Variants in DHDDS observed in about 807,000 individuals in gnomAD.
DHDDS encodes the protein dehydrodolichyl diphosphate synthase complex subunit DHDDS.
A neutral mutation model predicts 46.2 loss-of-function variants in DHDDS; 16 were observed. The observed-to-expected ratio is 0.35, with a 90% CI of 0.23 to 0.53. The LOEUF (loss-of-function observed/expected upper bound fraction) is 0.53, where lower values mean the gene tolerates loss of function less well. Ranked by LOEUF, DHDDS falls within the 20% of genes least tolerant of loss-of-function variation. DHDDS has a pLI of 0.94. For synonymous variants in DHDDS, 151 were observed against 163.1 expected (o/e 0.93, Z 0.56); for missense variants, 340 against 423.7 (o/e 0.80, Z 1.73).
intron 2 of DHDDS, among the ~76,000 whole-genome samples, chr1:26,437,632 T>C (rs2124369059): frequency 6.6e-6 from 1 of 151,950 alleles, no homozygotes. Context: ...TGTGCCATCA[T>C]ACCCGGCTAA....
intron 8 of DHDDS, among the ~76,000 whole-genome samples, chr1:26,464,167 A>T (rs560425596): frequency 6.6e-6 from 1 of 151,594 alleles, no homozygotes; most frequent in Admixed American, 6.6e-5. Flanking sequence ...TAATTTTTGT[A>T]TTTTTAGTAG....
chr1:26,463,668 G>A (rs552625789), intron 8 of DHDDS, among the ~76,000 whole-genome samples: 1 of 151,790 alleles, frequency 6.6e-6, no homozygotes, highest in Admixed American at 6.6e-5. Flanking sequence ...CACCACATCT[G>A]GCTAATTTTA....
chr1:26,458,749 A>G (rs972911193), intron 7 of DHDDS, among the ~76,000 whole-genome samples: 5 of 151,824 alleles, frequency 3.3e-5, no homozygotes, highest in Non-Finnish European at 5.9e-5. Flanking sequence ...AAAAAAAAAA[A>G]AAAAAAAGAA....
At position 26,451,404 on chromosome 1, in the gene DHDDS, A is replaced by ATGTGTGTGTG. The variant is rs35376620; in HGVS notation, c.542+3782_542+3791dup. Among the ~76,000 whole-genome samples the ATGTGTGTGTG allele has an allele frequency of 2.4e-3, 326 of 136,024 alleles. 2 individuals carry two copies. The highest frequency in any genetic ancestry group is 0.011 in the Middle Eastern group (3 of 270). 89.2% of individuals were successfully genotyped at this position (136,024 alleles called of 152,430 possible). ...TCTTTCTTCCAGGGTATGTATGTAG[A>ATGTGTGTGTG]TGTGTGTGTGTGTGTGTGTGTGTGT... is the stretch of plus-strand genomic sequence containing the variant. On this transcript the variant is annotated intron_variant, in intron 6 of 8. Coordinates refer to ENST00000236342, the MANE Select transcript of DHDDS (RefSeq NM_205861.3).
At chr1:26,466,715 G>T (rs1474697438) in intron 8 of DHDDS, among the ~76,000 whole-genome samples, 1 of 152,212 alleles carries the variant, frequency 6.6e-6, no homozygotes, top group African/African-American at 2.4e-5. Flanking sequence ...CTGTTGCTGA[G>T]CGTCCCCCAT....
chr1:26,457,756 G>C (rs1570356949), intron 6 of DHDDS, 35 bp from the exon 7 acceptor site: 11 of 1,481,296 alleles, frequency 7.4e-6, no homozygotes, highest in Non-Finnish European at 1.0e-5. Flanking sequence ...ACTACAGGAT[G>C]TGTGCCTCTC....
chr1:26,452,594 C>A (rs964225203), intron 6 of DHDDS, among the ~76,000 whole-genome samples: 1 of 152,144 alleles, frequency 6.6e-6, no homozygotes, highest in Admixed American at 6.5e-5. Flanking sequence ...ATACATTTAT[C>A]CTTAGACCCT....
intron 6 of DHDDS, 38 bp from the exon 7 acceptor site, chr1:26,457,753 G>C (rs1447812334): frequency 6.9e-7 from 1 of 1,446,856 alleles, no homozygotes; most frequent in African/African-American, 1.4e-5. Flanking sequence ...AATACTACAG[G>C]ATGTGTGCCT....
At chr1:26,432,636 G>A (rs1440329512) in intron 1 of DHDDS, 4 of 421,058 alleles carry the variant, frequency 9.5e-6, no homozygotes, top group African/African-American at 2.0e-5. Flanking sequence ...TAGATGTTCA[G>A]AAGAAGTCAG....
intron 6 of DHDDS, chr1:26,447,920 G>T: frequency 3.3e-6 from 2 of 597,040 alleles, no homozygotes; most frequent in Non-Finnish European, 3.0e-6. Flanking sequence ...GGGAGCATGT[G>T]GAAAGATTTA....
At chr1:26,442,243 CTTT>C (rs2075225599) in intron 3 of DHDDS, among the ~76,000 whole-genome samples, 1 of 152,150 alleles carries the variant, frequency 6.6e-6, no homozygotes, top group South Asian at 2.1e-4. Flanking sequence ...CCAGTTGTTG[CTTT>C]TTTTCTTTTA....
intron 8 of DHDDS, among the ~76,000 whole-genome samples, chr1:26,464,192 C>T (rs1026763211): frequency 1.8e-4 from 27 of 152,022 alleles, no homozygotes; most frequent in African/African-American, 3.1e-4. Flanking sequence ...AGGGTTTCAC[C>T]ATGTTGGCCA....
At chr1:26,442,364 A>C (rs893500032) in intron 3 of DHDDS, among the ~76,000 whole-genome samples, 15 of 152,200 alleles carry the variant, frequency 9.9e-5, no homozygotes, top group Admixed American at 9.2e-4. Flanking sequence ...TTGTGATCCC[A>C]TATTACAGGT....
chr1:26,439,008 G>A (rs1003785192), intron 3 of DHDDS, among the ~76,000 whole-genome samples: 2 of 152,046 alleles, frequency 1.3e-5, no homozygotes, highest in Non-Finnish European at 2.9e-5. Flanking sequence ...CTCTGCTCAC[G>A]GCAACCTCCG....
At chr1:26,459,361 G>A (rs184862008) in intron 7 of DHDDS, among the ~76,000 whole-genome samples, 1 of 152,198 alleles carries the variant, frequency 6.6e-6, no homozygotes, top group Non-Finnish European at 1.5e-5. Context: ...ATATCAGGCA[G>A]TGGCTGTCAA....
intron 4 of DHDDS, among the ~76,000 whole-genome samples, chr1:26,445,422 T>C (rs2075259202): frequency 6.6e-6 from 1 of 152,108 alleles, no homozygotes; most frequent in South Asian, 2.1e-4. Context: ...AGTAAAGAGT[T>C]TGGGTTCTTG....
At chr1:26,443,521 A>T (rs1472455548) in intron 4 of DHDDS, among the ~76,000 whole-genome samples, 3 of 152,066 alleles carry the variant, frequency 2.0e-5, no homozygotes, top group Non-Finnish European at 2.9e-5. Flanking sequence ...GCAAAGACAA[A>T]TTTCAGTGGA....
chr1:26,463,802 G>T (rs969278873), intron 8 of DHDDS, among the ~76,000 whole-genome samples: 1 of 151,762 alleles, frequency 6.6e-6, no homozygotes, highest in African/African-American at 2.4e-5. Context: ...CACCGCGACC[G>T]GCCTGAAACT....
In DHDDS at chr1:26,469,136, G is replaced by C. The variant is rs1000873140; in HGVS notation, c.*5G>C. 3.1e-6 allele frequency: 5 copies of C among 1,611,258 alleles called. No individual in the cohort carries two copies. Among genetic ancestry groups the C allele is most frequent in the Non-Finnish European group, 4.2e-6 (5 of 1,180,032 alleles). ...CTGGGCACTGCATCAGCCTGAATGA[G>C]GCTGGCCACCTGCCACTTTGCCCTG... On this transcript the variant is annotated 3_prime_UTR_variant, in exon 9 of 9. Coordinates refer to ENST00000236342, the MANE Select transcript of DHDDS (RefSeq NM_205861.3).
Sources: allele counts gnomAD v4.1 joint callset (sites outside exome capture counted in the v4.1 genomes callset), GRCh38; gene constraint gnomAD v4.1.1; transcripts MANE v1.5; gene names NCBI Gene and HGNC (gene_info 2026-07-23, HGNC 2026-07-21).